The following TRPS1 variants were observed in gnomAD, a reference collection of about 807,000 sequenced individuals.
The protein encoded by TRPS1 is zinc finger transcription factor Trps1.
In TRPS1, 6 loss-of-function variants were observed where a neutral mutation model predicts 101.2. The observed-to-expected ratio is 0.06, with a 90% CI of 0.03 to 0.12. TRPS1 has a LOEUF of 0.12. TRPS1 is among the 10% of genes least tolerant of loss of function. TRPS1 has a pLI of 1.00. For synonymous variants in TRPS1, 578 were observed against 589.8 expected (o/e 0.98, Z 0.29); for missense variants, 1,363 against 1,567.0 (o/e 0.87, Z 2.20).
At position 115,619,842 on chromosome 8, in the gene TRPS1, T is replaced by G; in HGVS notation, c.256A>C (p.Lys86Gln). Reference protein sequence around the residue: ...HVQDPSSSSKKDLKSAVLSEK... With the variant: ...HVQDPSSSSKQDLKSAVLSEK... ...CTCAGAACTGCGCTTTTCAAGTCCT[T>G]CTTACTGCTAGAAGATGGATCTTGA... Residue 86 changes from lysine to glutamine, a missense_variant, in exon 3 of 7, where the codon AAG becomes CAG. This residue lies in a region of TRPS1 where 1,020 missense variants were observed against 1,073.0 expected (regional missense o/e 0.95). Coordinates refer to ENST00000395715, the MANE Select transcript of TRPS1 (RefSeq NM_014112.5). 6.2e-7 allele frequency: 1 copy of G among 1,614,188 alleles called. No homozygotes were observed. The highest frequency in any genetic ancestry group is 1.1e-5 in the South Asian group (1 of 91,088).
rs1246137717 is a variant in TRPS1, at chr8:115,418,211, T to C, written c.2823+119A>G. On this transcript the variant is annotated intron_variant, in intron 6 of 6. Transcript: ENST00000395715. This position sits in a 1 kb window ranked among gnomAD's most constrained non-coding sequence, Gnocchi z 4.3. ...ATCACATGTGCACTCAAAGTGACTGTATTAAAACAACCCTGCGGGGGCAGG... is the reference window on the plus strand; with the variant it reads ...ATCACATGTGCACTCAAAGTGACTGCATTAAAACAACCCTGCGGGGGCAGG... The C allele has an allele frequency of 1.3e-6, 2 of 1,549,204 alleles. No homozygotes were observed. The highest frequency in any genetic ancestry group is 1.1e-5 in the South Asian group (1 of 89,184).
chr8:115,472,114 C>G (rs1052042729), intron 5 of TRPS1, among the ~76,000 whole-genome samples: 1 of 152,204 alleles, frequency 6.6e-6, no homozygotes, highest in African/African-American at 2.4e-5. Flanking sequence ...TGTGGGGGGG[C>G]TCCTACCGCA....
chr8:115,563,664 G>C (rs1474410922), intron 5 of TRPS1, among the ~76,000 whole-genome samples: 1 of 151,994 alleles, frequency 6.6e-6, no homozygotes, highest in Non-Finnish European at 1.5e-5. Context: ...ATCTTCCATG[G>C]GAGCCAACCA....
chr8:115,662,609 A>C (rs1160637797), intron 1 of TRPS1, among the ~76,000 whole-genome samples: 1 of 151,826 alleles, frequency 6.6e-6, no homozygotes, highest in Non-Finnish European at 1.5e-5. Flanking sequence ...CCCTGATGTC[A>C]ATCAACATCA....
intron 5 of TRPS1, among the ~76,000 whole-genome samples, chr8:115,508,275 T>G: frequency 6.6e-6 from 1 of 152,144 alleles, no homozygotes. Flanking sequence ...GGCACGAACT[T>G]TCCTTTGAGA....
intron 5 of TRPS1, among the ~76,000 whole-genome samples, chr8:115,447,363 G>C (rs569208787): frequency 6.6e-6 from 1 of 152,280 alleles, no homozygotes; most frequent in South Asian, 2.1e-4. Flanking sequence ...AATTCAGACA[G>C]ATTTTCCACC....
chr8:115,629,543 T>C (rs1045825382), intron 1 of TRPS1, among the ~76,000 whole-genome samples: 2 of 151,920 alleles, frequency 1.3e-5, no homozygotes, highest in African/African-American at 4.8e-5. Context: ...TTTTCAACTA[T>C]TGTTGCTAAT....
intron 1 of TRPS1, among the ~76,000 whole-genome samples, chr8:115,646,315 C>G (rs1819023867): frequency 6.6e-6 from 1 of 152,106 alleles, no homozygotes; most frequent in South Asian, 2.1e-4. Context: ...TTTATTCCAA[C>G]AGAGCCACTT....
intron 5 of TRPS1, among the ~76,000 whole-genome samples, chr8:115,467,732 T>C (rs999205941): frequency 6.6e-6 from 1 of 152,192 alleles, no homozygotes; most frequent in Non-Finnish European, 1.5e-5. Context: ...AAAGCAGTCC[T>C]GAACATAAAA....
chr8:115,497,893 T>C (rs926343717), intron 5 of TRPS1, among the ~76,000 whole-genome samples: 1 of 151,002 alleles, frequency 6.6e-6, no homozygotes, highest in African/African-American at 2.4e-5. Context: ...CCTCAGCAGA[T>C]TAGAGGCATC....
intron 5 of TRPS1, among the ~76,000 whole-genome samples, chr8:115,533,955 C>T (rs1816214968): frequency 6.6e-6 from 1 of 152,138 alleles, no homozygotes; most frequent in Non-Finnish European, 1.5e-5. Context: ...ACCCTAATTA[C>T]ATCTTAAAAG....
Position 115,622,469 on chromosome 8 carries a change from C to T in TRPS1, c.37+1132G>A, listed in dbSNP as rs556879572. ...ATATGCATGGTTTTAACTTGGTCTA[C>T]AGAAAAGGATATTTTAGGTTGTAAT... On this transcript the variant is annotated intron_variant, in intron 2 of 6. Coordinates refer to ENST00000395715, the MANE Select transcript of TRPS1 (RefSeq NM_014112.5). 2.0e-5 allele frequency among the ~76,000 whole-genome samples: 3 copies of T among 152,234 alleles called. No homozygotes were observed. In the East Asian group the frequency reaches 5.8e-4, roughly 29 times the overall value.
chr8:115,627,616 C>T (rs1384668249), intron 1 of TRPS1, among the ~76,000 whole-genome samples: 1 of 151,762 alleles, frequency 6.6e-6, no homozygotes, highest in East Asian at 1.9e-4. Flanking sequence ...ATAACGAGTG[C>T]TGTGCTTTGT....
intron 5 of TRPS1, among the ~76,000 whole-genome samples, chr8:115,561,298 T>C (rs1042206989): frequency 1.3e-5 from 2 of 152,058 alleles, no homozygotes; most frequent in Non-Finnish European, 2.9e-5. Context: ...TTGGCATTTG[T>C]ATGTGCAGTC....
At chr8:115,444,626 C>T (rs1439429633) in intron 5 of TRPS1, among the ~76,000 whole-genome samples, 1 of 152,136 alleles carries the variant, frequency 6.6e-6, no homozygotes, top group Non-Finnish European at 1.5e-5. Flanking sequence ...CAAAGAGCAC[C>T]CTTTTTTGGG....
At chr8:115,469,910 G>C (rs1326042962) in intron 5 of TRPS1, among the ~76,000 whole-genome samples, 1 of 152,084 alleles carries the variant, frequency 6.6e-6, no homozygotes, top group Non-Finnish European at 1.5e-5. Flanking sequence ...AAAGTGTCTG[G>C]AAAAGTAAAT....
intron 5 of TRPS1, among the ~76,000 whole-genome samples, chr8:115,537,826 T>C (rs1816358854): frequency 6.6e-6 from 1 of 152,198 alleles, no homozygotes; most frequent in Admixed American, 6.5e-5. Context: ...ACTGGACAAT[T>C]ATCCTTGCTC....
intron 5 of TRPS1, among the ~76,000 whole-genome samples, chr8:115,446,838 C>CTT (rs1274149561): frequency 6.6e-6 from 1 of 152,130 alleles, no homozygotes; most frequent in Admixed American, 6.6e-5. Context: ...ATTCTGACGT[C>CTT]TTTTTATGTT....
Position 115,414,925 on chromosome 8 carries a change from T to C in TRPS1, c.2983A>G (p.Arg995Gly), listed in dbSNP as rs1251498087. The change falls in exon 7 of 7, where the codon AGG becomes GGG. Residue 995 changes from arginine to glycine, a missense_variant. This residue lies in a region of TRPS1 where 307 missense variants were observed against 392.4 expected (regional missense o/e 0.78). Transcript: ENST00000395715. This position sits in a 1 kb window ranked among gnomAD's most constrained non-coding sequence, Gnocchi z 4.8. ...TCAGTTAGATGATCTTCTGACCTCC[T>C]CTCTAACGGGCTTCCATTGACTTGC... ...EEQVNGSPLE[R>G]RSEDHLTESH... The C allele has an allele frequency of 1.9e-6, 3 of 1,604,186 alleles. No individual in the cohort carries two copies. The highest frequency in any genetic ancestry group is 2.6e-6 in the Non-Finnish European group (3 of 1,175,136).
Sources: gnomAD v4.1 joint callset for allele counts (sites outside exome capture counted in the v4.1 genomes callset) on GRCh38, gnomAD v4.1.1 for gene constraint, gnomAD v4.1.1 regional missense constraint, Gnocchi (gnomAD v3.1) non-coding constraint, MANE v1.5 for transcripts, NCBI Gene and HGNC (gene_info 2026-07-23, HGNC 2026-07-21) for gene names.